Variants in HS6ST3 observed in about 807,000 individuals in gnomAD.
HS6ST3 encodes the protein heparan sulfate 6-O-sulfotransferase 3.
HS6ST3 carries 12 observed loss-of-function variants against 36.7 expected under a neutral mutation model. That is an observed-to-expected ratio of 0.33 (90% CI 0.21 to 0.53). The LOEUF (loss-of-function observed/expected upper bound fraction) is 0.53. Among genes scored for constraint, HS6ST3 ranks in the 20% least tolerant of loss-of-function variants. The probability of loss-of-function intolerance (pLI) is 0.95; values close to 1 mark genes in which losing one functional copy is unlikely to be tolerated. For synonymous variants in HS6ST3, 240 were observed against 257.5 expected (o/e 0.93, Z 0.65); for missense variants, 584 against 640.9 (o/e 0.91, Z 0.96).
intron 1 of HS6ST3, among the ~76,000 whole-genome samples, chr13:96,551,755 C>T (rs376010511): frequency 3.3e-5 from 5 of 152,250 alleles, no homozygotes; most frequent in Non-Finnish European, 2.9e-5. Flanking sequence ...CAGCCATCCT[C>T]GCCTACTGCT....
intron 1 of HS6ST3, among the ~76,000 whole-genome samples, chr13:96,498,729 T>A (rs1248225232): frequency 6.6e-6 from 1 of 152,210 alleles, no homozygotes; most frequent in Non-Finnish European, 1.5e-5. Flanking sequence ...TCAACTTGTA[T>A]CCTTTGTAAT....
chr13:96,490,942 G>A (rs906918065), intron 1 of HS6ST3, among the ~76,000 whole-genome samples: 1 of 152,198 alleles, frequency 6.6e-6, no homozygotes, highest in Admixed American at 6.5e-5. Flanking sequence ...GGCGAACCAC[G>A]CAAGAACCTT....
rs149076792 is a variant in HS6ST3 at position 96,223,033 on chromosome 13, C to T, written c.707+131464C>T. 2.6e-3 allele frequency among the ~76,000 whole-genome samples: 402 copies of T among 152,322 alleles called. 2 individuals carry two copies. The highest frequency in any genetic ancestry group is 9.2e-3 in the African/African-American group (382 of 41,574). ...ATTTTGATTTGGAAATGGAATATGA[C>T]TGCATAATATGCCTTAGTATGGATG... On this transcript the variant is annotated intron_variant, in intron 1 of 1. Coordinates refer to ENST00000376705, the MANE Select transcript of HS6ST3 (RefSeq NM_153456.4).
chr13:96,738,703 G>T (rs1432832237), intron 1 of HS6ST3, among the ~76,000 whole-genome samples: 1 of 152,098 alleles, frequency 6.6e-6, no homozygotes, highest in Admixed American at 6.6e-5. Context: ...GTGTAGCAAT[G>T]TATCATATGT....
chr13:96,533,323 T>C (rs2056143018), intron 1 of HS6ST3, among the ~76,000 whole-genome samples: 1 of 152,198 alleles, frequency 6.6e-6, no homozygotes, highest in East Asian at 1.9e-4. Context: ...AAAAACAAGC[T>C]TCTCATTCCT....
intron 1 of HS6ST3, among the ~76,000 whole-genome samples, chr13:96,265,577 A>T (rs553674841): frequency 2.0e-4 from 31 of 152,346 alleles, no homozygotes; most frequent in Non-Finnish European, 4.1e-4. Context: ...TTGGAATTTA[A>T]GAACTATAGG....
At chr13:96,121,317 A>G (rs1317388139) in intron 1 of HS6ST3, among the ~76,000 whole-genome samples, 1 of 152,210 alleles carries the variant, frequency 6.6e-6, no homozygotes, top group Non-Finnish European at 1.5e-5. Flanking sequence ...GGTGAAGTTT[A>G]TTAGAGGCTC....
rs116789356 is a variant in HS6ST3, at chr13:96,742,838, C to T, written c.708-89652C>T. On this transcript the variant is annotated intron_variant, in intron 1 of 1. Coordinates refer to ENST00000376705, the MANE Select transcript of HS6ST3 (RefSeq NM_153456.4). The stretch of plus-strand genomic sequence containing the variant: ...GTTTCAGTATGAAATTGCATCCTAT[C>T]AGTTTTCGCTATAGCTCATGAATGT... Among the ~76,000 whole-genome samples, 770 of 152,152 alleles carry T rather than the reference C, an allele frequency of 5.1e-3. 4 individuals are homozygous for T. The highest frequency in any genetic ancestry group is 0.017 in the African/African-American group (724 of 41,532).
intron 1 of HS6ST3, among the ~76,000 whole-genome samples, chr13:96,474,529 G>A (rs910561910): frequency 2.0e-5 from 3 of 152,178 alleles, no homozygotes; most frequent in African/African-American, 7.2e-5. Flanking sequence ...TATACAATCA[G>A]TATGCATTAC....
At chr13:96,677,372 G>C (rs79977770) in intron 1 of HS6ST3, among the ~76,000 whole-genome samples, 1,839 of 152,178 alleles carry the variant, frequency 0.012, 32 homozygotes, top group African/African-American at 0.042. Context: ...AGCAGATATG[G>C]TATCTGGCTA....
chr13:96,173,144 TGAA>T (rs996188497), intron 1 of HS6ST3, among the ~76,000 whole-genome samples: 12 of 152,138 alleles, frequency 7.9e-5, no homozygotes, highest in African/African-American at 2.9e-4. Context: ...TGTGCTGTGA[TGAA>T]GAAAATAAAT....
At chr13:96,719,918 G>A (rs938753577) in intron 1 of HS6ST3, among the ~76,000 whole-genome samples, 1 of 152,058 alleles carries the variant, frequency 6.6e-6, no homozygotes, top group African/African-American at 2.4e-5. Context: ...TCCGCTGAAG[G>A]GCTCACGCCT....
intron 1 of HS6ST3, among the ~76,000 whole-genome samples, chr13:96,701,464 T>C (rs929705879): frequency 3.4e-4 from 51 of 152,188 alleles, no homozygotes; most frequent in African/African-American, 1.2e-3. Context: ...ATATACACAC[T>C]TAACTTGCCT....
At chr13:96,289,247 A>G (rs1328645780) in intron 1 of HS6ST3, among the ~76,000 whole-genome samples, 1 of 152,116 alleles carries the variant, frequency 6.6e-6, no homozygotes, top group African/African-American at 2.4e-5. Context: ...GAATTGAATT[A>G]AAAAATTCAA....
intron 1 of HS6ST3, among the ~76,000 whole-genome samples, chr13:96,253,352 G>A (rs1228097082): frequency 6.6e-6 from 1 of 152,182 alleles, no homozygotes; most frequent in East Asian, 1.9e-4. Context: ...TGCTGGGAAA[G>A]TGGGGCTCTC....
intron 1 of HS6ST3, among the ~76,000 whole-genome samples, chr13:96,830,129 TG>T (rs1878743769): frequency 6.6e-6 from 1 of 152,182 alleles, no homozygotes; most frequent in African/African-American, 2.4e-5. Flanking sequence ...ATGGGCTTTA[TG>T]TTAGATAAAT....
chr13:96,527,747 T>TA (rs567972674), intron 1 of HS6ST3, among the ~76,000 whole-genome samples: 6 of 152,186 alleles, frequency 3.9e-5, no homozygotes, highest in South Asian at 4.2e-4. Context: ...ATCAGTGTGT[T>TA]AAAAAAAGTG....
chr13:96,100,390 A>G (rs1355880238), intron 1 of HS6ST3, among the ~76,000 whole-genome samples: 1 of 152,176 alleles, frequency 6.6e-6, no homozygotes, highest in Non-Finnish European at 1.5e-5. Context: ...CAAAGGAACT[A>G]GTTTGAGAGG....
At chr13:96,144,380 T>A (rs981908013) in intron 1 of HS6ST3, among the ~76,000 whole-genome samples, 1 of 152,072 alleles carries the variant, frequency 6.6e-6, no homozygotes, top group Non-Finnish European at 1.5e-5. Context: ...ATTACTAACA[T>A]AATTCTATGA....
Sources: gnomAD v4.1 joint callset for allele counts (sites outside exome capture counted in the v4.1 genomes callset) on GRCh38, gnomAD v4.1.1 for gene constraint, MANE v1.5 for transcripts, NCBI Gene and HGNC (gene_info 2026-07-23, HGNC 2026-07-21) for gene names.